DYNC1I1: variants seen among roughly 807,000 people sequenced by gnomAD.
The protein encoded by DYNC1I1 is dynein cytoplasmic 1 intermediate chain 1.
In DYNC1I1, 43 loss-of-function variants were observed where a neutral mutation model predicts 86.6. The ratio of observed to expected loss-of-function variants is 0.50; its 90% CI spans 0.39 to 0.64. The LOEUF (loss-of-function observed/expected upper bound fraction) is 0.64, where lower values mean the gene tolerates loss of function less well. Among genes scored for constraint, DYNC1I1 ranks in the 30% least tolerant of loss-of-function variants. The probability of loss-of-function intolerance (pLI) is 0.00; values close to 1 mark genes in which losing one functional copy is unlikely to be tolerated. For missense variants in DYNC1I1, 604 were observed against 788.8 expected (o/e 0.77, Z 2.81); for synonymous variants, 262 against 283.7 (o/e 0.92, Z 0.77).
intron 6 of DYNC1I1, among the ~76,000 whole-genome samples, chr7:95,950,776 G>T (rs1792530621): frequency 6.6e-6 from 1 of 152,144 alleles, no homozygotes; most frequent in South Asian, 2.1e-4. Flanking sequence ...TTGGGGCCAG[G>T]ATCATCTTAG....
intron 5 of DYNC1I1, among the ~76,000 whole-genome samples, chr7:95,844,022 T>C (rs1465195152): frequency 1.3e-5 from 2 of 152,324 alleles, no homozygotes; most frequent in East Asian, 3.9e-4. Flanking sequence ...GTGTGTCTTA[T>C]GAAGAGAACA....
At chr7:95,895,738 G>GAA (rs1213097925) in intron 6 of DYNC1I1, among the ~76,000 whole-genome samples, 3 of 152,154 alleles carry the variant, frequency 2.0e-5, no homozygotes, top group Admixed American at 6.5e-5. Flanking sequence ...AAAAAAGTGA[G>GAA]AAATGGCCAT....
intron 14 of DYNC1I1, among the ~76,000 whole-genome samples, chr7:96,061,799 C>T (rs963101870): frequency 7.3e-5 from 11 of 151,430 alleles, no homozygotes; most frequent in African/African-American, 2.7e-4. Flanking sequence ...TTTAAAATCT[C>T]AGCTAATGAC....
chr7:96,065,852 C>T (rs1295213612), intron 14 of DYNC1I1, among the ~76,000 whole-genome samples: 1 of 152,046 alleles, frequency 6.6e-6, no homozygotes, highest in East Asian at 1.9e-4. Flanking sequence ...CAGATCAGAC[C>T]TTCCTCTATT....
At chr7:96,015,638 A>C (rs1794382266) in intron 10 of DYNC1I1, among the ~76,000 whole-genome samples, 1 of 152,150 alleles carries the variant, frequency 6.6e-6, no homozygotes, top group African/African-American at 2.4e-5. Context: ...TGTCTGTTGA[A>C]TTTCCAAGTA....
chr7:95,945,341 T>C (rs1792369677), intron 6 of DYNC1I1, among the ~76,000 whole-genome samples: 1 of 152,126 alleles, frequency 6.6e-6, no homozygotes, highest in African/African-American at 2.4e-5. Flanking sequence ...AATAATAAAG[T>C]CTTCTAAATA....
chr7:95,929,004 A>T (rs540056372), intron 6 of DYNC1I1, among the ~76,000 whole-genome samples: 125 of 151,930 alleles, frequency 8.2e-4, no homozygotes, highest in Non-Finnish European at 1.4e-3. Context: ...TGTTCAAGAT[A>T]CTCCTCGTTT....
intron 6 of DYNC1I1, among the ~76,000 whole-genome samples, chr7:95,955,359 G>C (rs141284420): frequency 7.9e-5 from 12 of 151,898 alleles, no homozygotes; most frequent in Admixed American, 7.9e-4. Context: ...ATCCCACTCT[G>C]TCACCCATGC....
chr7:95,931,373 C>T (rs1186060925), intron 6 of DYNC1I1, among the ~76,000 whole-genome samples: 1 of 152,180 alleles, frequency 6.6e-6, no homozygotes, highest in East Asian at 1.9e-4. Context: ...TGGTCTCAAA[C>T]TCCTGGCCTC....
In DYNC1I1 at chr7:96,034,687, G is replaced by A. The variant is rs80093698; in HGVS notation, c.1231-932G>A. ...CCAGTTGCTGATGTGCACCCTATGT[G>A]TGGATATCACAAACTTTGAACACAT... On this transcript the variant is annotated intron_variant, in intron 12 of 16. Transcript: ENST00000447467. 9.7e-3 allele frequency among the ~76,000 whole-genome samples: 1,482 copies of A among 152,252 alleles called. 32 individuals carry two copies. Among genetic ancestry groups the A allele is most frequent in the African/African-American group, 0.034 (1,392 of 41,542 alleles).
chr7:96,060,963 G>A (rs1335275107), intron 14 of DYNC1I1, among the ~76,000 whole-genome samples: 1 of 152,212 alleles, frequency 6.6e-6, no homozygotes, highest in East Asian at 1.9e-4. Context: ...GGCTGAGGCT[G>A]GAGAAAATGA....
intron 7 of DYNC1I1, 123 bp from the exon 8 acceptor site, chr7:95,984,692 C>A: frequency 1.1e-6 from 1 of 882,494 alleles, no homozygotes; most frequent in Non-Finnish European, 1.6e-6. Flanking sequence ...TGATTTGTTT[C>A]ACTGTGTCTT....
intron 14 of DYNC1I1, among the ~76,000 whole-genome samples, chr7:96,041,208 G>A (rs1375161207): frequency 6.6e-6 from 1 of 152,142 alleles, no homozygotes; most frequent in Non-Finnish European, 1.5e-5. Flanking sequence ...GACAGAATTT[G>A]CTTTTAACTA....
At chr7:95,855,394 T>C (rs776572899) in intron 5 of DYNC1I1, among the ~76,000 whole-genome samples, 63 of 152,338 alleles carry the variant, frequency 4.1e-4, no homozygotes, top group South Asian at 2.3e-3. Flanking sequence ...TTTTTGACAG[T>C]TTGATTACAA....
At chr7:95,797,571 T>G (rs997646315) in intron 1 of DYNC1I1, among the ~76,000 whole-genome samples, 4 of 152,238 alleles carry the variant, frequency 2.6e-5, no homozygotes, top group African/African-American at 9.7e-5. Flanking sequence ...CATGACATTA[T>G]AAAATCATAC....
At chr7:95,773,135 C>G (rs1026958575) in intron 1 of DYNC1I1, among the ~76,000 whole-genome samples, 1 of 152,200 alleles carries the variant, frequency 6.6e-6, no homozygotes, top group Non-Finnish European at 1.5e-5. Context: ...AATCTGCACC[C>G]CTCTGGGCCA....
At chr7:96,086,634 C>T (rs1790687348) in intron 16 of DYNC1I1, among the ~76,000 whole-genome samples, 1 of 152,026 alleles carries the variant, frequency 6.6e-6, no homozygotes, top group African/African-American at 2.4e-5. Flanking sequence ...GAATAGTATT[C>T]ATTTCATTAC....
chr7:95,804,606 G>C, intron 1 of DYNC1I1, 115 bp from the exon 2 acceptor site: 1 of 1,175,350 alleles, frequency 8.5e-7, no homozygotes, highest in Admixed American at 2.9e-5. Context: ...ACAACCTCTT[G>C]TTGATCATCC....
chr7:95,971,236 G>A (rs951948029), intron 6 of DYNC1I1, among the ~76,000 whole-genome samples: 2 of 152,134 alleles, frequency 1.3e-5, no homozygotes, highest in African/African-American at 4.8e-5. Flanking sequence ...GCTAACCAGA[G>A]TGAGCATATA....
Sources: allele counts gnomAD v4.1 joint callset (sites outside exome capture counted in the v4.1 genomes callset), GRCh38; gene constraint gnomAD v4.1.1; transcripts MANE v1.5; gene names NCBI Gene and HGNC (gene_info 2026-07-23, HGNC 2026-07-21).